Variants in EYA2 observed in about 807,000 individuals in gnomAD.
EYA2 encodes protein phosphatase EYA2.
In EYA2, 31 loss-of-function variants were observed where a neutral mutation model predicts 69.2. The observed-to-expected ratio is 0.45, with a 90% CI of 0.34 to 0.60. The LOEUF (loss-of-function observed/expected upper bound fraction) is 0.60, where lower values mean the gene tolerates loss of function less well. EYA2 is among the 20% of genes least tolerant of loss of function. EYA2 has a pLI of 0.02. For synonymous variants in EYA2, 257 were observed against 279.4 expected (o/e 0.92, Z 0.80); for missense variants, 622 against 701.2 (o/e 0.89, Z 1.28).
At chr20:47,074,939 C>G (rs1414870545) in intron 7 of EYA2, among the ~76,000 whole-genome samples, 1 of 152,184 alleles carries the variant, frequency 6.6e-6, no homozygotes, top group Admixed American at 6.5e-5. Context: ...TGATGAAACC[C>G]CATCTCTACT....
intron 1 of EYA2, among the ~76,000 whole-genome samples, chr20:46,945,301 G>T (rs867632014): frequency 6.6e-6 from 1 of 152,144 alleles, no homozygotes; most frequent in Non-Finnish European, 1.5e-5. Flanking sequence ...CTGGCAGTTC[G>T]TAAGTGCTGT....
chr20:46,994,317 T>C (rs1211676720), intron 2 of EYA2, among the ~76,000 whole-genome samples: 2 of 152,228 alleles, frequency 1.3e-5, no homozygotes, highest in African/African-American at 4.8e-5. Context: ...TTCCTTATGA[T>C]TCAAGGGAAA....
chr20:46,953,149 A>G (rs1249410142), intron 1 of EYA2, among the ~76,000 whole-genome samples: 3 of 152,220 alleles, frequency 2.0e-5, no homozygotes, highest in Non-Finnish European at 4.4e-5. Flanking sequence ...ATCATAGCAA[A>G]TGTTCCTATA....
chr20:46,911,003 G>A (rs1284501238), intron 1 of EYA2, among the ~76,000 whole-genome samples: 6 of 152,226 alleles, frequency 3.9e-5, no homozygotes, highest in East Asian at 1.9e-4. Context: ...CTCCAACACC[G>A]AGGTTCAGGT....
chr20:47,016,739 C>G (rs1983436122), intron 5 of EYA2, among the ~76,000 whole-genome samples: 1 of 152,204 alleles, frequency 6.6e-6, no homozygotes, highest in Non-Finnish European at 1.5e-5. Flanking sequence ...CCTGTACAAA[C>G]TGTGCATGCA....
chr20:47,126,348 A>C (rs1444687601), intron 9 of EYA2, among the ~76,000 whole-genome samples: 1 of 152,178 alleles, frequency 6.6e-6, no homozygotes, highest in African/African-American at 2.4e-5. Context: ...ATGCATCCCA[A>C]GTGCTTTCCA....
chr20:46,896,327 T>C (rs1000402318), intron 1 of EYA2, among the ~76,000 whole-genome samples: 1 of 151,624 alleles, frequency 6.6e-6, no homozygotes, highest in Non-Finnish European at 1.5e-5. Flanking sequence ...CCATAATAGA[T>C]ACAGAACTAG....
intron 5 of EYA2, among the ~76,000 whole-genome samples, chr20:47,036,743 G>GT (rs990094846): frequency 6.6e-6 from 1 of 152,164 alleles, no homozygotes; most frequent in Non-Finnish European, 1.5e-5. Context: ...AGGTTCTACA[G>GT]TTTTGCACAC....
At chr20:47,045,045 G>C (rs956950659) in intron 5 of EYA2, among the ~76,000 whole-genome samples, 1 of 152,200 alleles carries the variant, frequency 6.6e-6, no homozygotes, top group African/African-American at 2.4e-5. Flanking sequence ...GTATGGACTG[G>C]TGATTGCTGT....
At chr20:47,168,834 A>G (rs1405380699) in intron 10 of EYA2, among the ~76,000 whole-genome samples, 2 of 152,118 alleles carry the variant, frequency 1.3e-5, no homozygotes, top group Non-Finnish European at 2.9e-5. Context: ...GTTTGAACCT[A>G]TCCCCCTAGT....
chr20:47,174,551 C>T (rs560716209), intron 12 of EYA2, among the ~76,000 whole-genome samples: 261 of 152,304 alleles, frequency 1.7e-3, no homozygotes, highest in African/African-American at 6.1e-3. Context: ...CTGGAGCTTT[C>T]CCATCCGTTC....
chr20:47,126,860 T>G (rs956855909), intron 9 of EYA2, among the ~76,000 whole-genome samples: 1 of 152,172 alleles, frequency 6.6e-6, no homozygotes, highest in Non-Finnish European at 1.5e-5. Context: ...GCTGCTCAAA[T>G]TCCTACAACC....
intron 9 of EYA2, among the ~76,000 whole-genome samples, chr20:47,123,562 G>A (rs1600725314): frequency 6.6e-6 from 1 of 152,212 alleles, no homozygotes. Context: ...GAGCACAAAA[G>A]GCTGAAACCA....
rs577521039 is a variant in EYA2, at chr20:46,963,406, G to A, written c.-10-26595G>A. ...GAGTAGCTGCTGTGTGCCAGGCACC[G>A]TGCCAAGCCCTGGGGACACAGCAGC... is the stretch of plus-strand genomic sequence containing the variant. On this transcript the variant is annotated intron_variant, in intron 1 of 15. Coordinates refer to ENST00000327619, the MANE Select transcript of EYA2 (RefSeq NM_005244.5). Among the ~76,000 whole-genome samples the A allele has an allele frequency of 3.8e-4, 58 of 152,310 alleles. 1 individual carries two copies. Among genetic ancestry groups the A allele is most frequent in the African/African-American group, 1.1e-3 (44 of 41,570 alleles).
chr20:47,128,896 G>GTGGA (rs61339226), intron 9 of EYA2, among the ~76,000 whole-genome samples: 1 of 152,350 alleles, frequency 6.6e-6, no homozygotes, highest in African/African-American at 2.4e-5. Context: ...GCCGAGGTGG[G>GTGGA]TGGATCACTT....
At chr20:46,931,887 A>G (rs894690488) in intron 1 of EYA2, among the ~76,000 whole-genome samples, 3 of 151,836 alleles carry the variant, frequency 2.0e-5, no homozygotes, top group African/African-American at 4.8e-5. Context: ...TCTCAGGAGA[A>G]TTATGGAACT....
chr20:47,001,753 C>T (rs189419429), intron 3 of EYA2, among the ~76,000 whole-genome samples: 1 of 151,188 alleles, frequency 6.6e-6, no homozygotes, highest in Admixed American at 6.6e-5. Context: ...TCCTCAGAGT[C>T]TTAGCTATTA....
rs1568831738 is a variant in EYA2 at position 47,180,829 on chromosome 20, A to G, written c.1328A>G (p.Asn443Ser). The G allele has an allele frequency of 6.2e-6, 10 of 1,614,156 alleles. No individual in the cohort carries two copies. Among genetic ancestry groups the G allele is most frequent in the Non-Finnish European group, 8.5e-6 (10 of 1,180,010 alleles). The change falls in exon 14 of 16, where the codon AAT (asparagine) becomes AGT (serine). Residue 443 changes from asparagine (N) to serine (S), a missense_variant. Transcript: ENST00000327619. Reference protein sequence around the residue: ...NLINSRPNCVNVLVTTTQLIP... With the variant: ...NLINSRPNCVSVLVTTTQLIP... ...TTTGTCCTTAGGCCCAACTGTGTCA[A>G]TGTGCTGGTCACCACCACTCAACTA...
intron 2 of EYA2, among the ~76,000 whole-genome samples, chr20:46,991,858 C>CT (rs1981679307): frequency 6.8e-6 from 1 of 147,806 alleles, no homozygotes; most frequent in African/African-American, 2.5e-5. Flanking sequence ...ATCCCAGCTA[C>CT]TTGGGAAGCT....
Sources: gnomAD v4.1 joint callset for allele counts (sites outside exome capture counted in the v4.1 genomes callset) on GRCh38, gnomAD v4.1.1 for gene constraint, MANE v1.5 for transcripts, NCBI Gene and HGNC (gene_info 2026-07-23, HGNC 2026-07-21) for gene names.